Variants in TRIM71 observed in about 807,000 individuals in gnomAD.
TRIM71 encodes the protein E3 ubiquitin-protein ligase TRIM71.
TRIM71 carries 9 observed loss-of-function variants against 61.2 expected under a neutral mutation model. That is an observed-to-expected ratio of 0.15 (90% CI 0.09 to 0.26). TRIM71 has a LOEUF of 0.26. TRIM71 is among the 10% of genes least tolerant of loss of function. The pLI is 1.00. For missense variants in TRIM71, 998 were observed against 1,238.7 expected (o/e 0.81, Z 2.92); for synonymous variants, 645 against 553.2 (o/e 1.17, Z -2.33).
At chr3:32,831,269 G>GCCCTA (rs750730234) in intron 1 of TRIM71, among the ~76,000 whole-genome samples, 3 of 152,002 alleles carry the variant, frequency 2.0e-5, no homozygotes, top group Non-Finnish European at 4.4e-5. Flanking sequence ...TCCTAGTGTT[G>GCCCTA]CCCTATGTGA....
intron 1 of TRIM71, among the ~76,000 whole-genome samples, chr3:32,846,266 AG>A: frequency 6.6e-6 from 1 of 151,932 alleles, no homozygotes; most frequent in South Asian, 2.1e-4. Flanking sequence ...TAGTAGAGAC[AG>A]GGTTTCACCG....
chr3:32,886,258 AAAC>A (rs1451744320), intron 3 of TRIM71, among the ~76,000 whole-genome samples, 190 bp downstream of exon 3: 6 of 152,342 alleles, frequency 3.9e-5, no homozygotes, highest in Middle Eastern at 3.4e-3. Flanking sequence ...GTCTGCAGTA[AAAC>A]AACAAGAAGC....
chr3:32,824,786 A>G, intron 1 of TRIM71, among the ~76,000 whole-genome samples: 1 of 151,894 alleles, frequency 6.6e-6, no homozygotes, highest in Non-Finnish European at 1.5e-5. Flanking sequence ...GCTGGGCTAG[A>G]TAGTCCTTTT....
intron 2 of TRIM71, among the ~76,000 whole-genome samples, chr3:32,885,335 G>A (rs1696948544): frequency 6.6e-6 from 1 of 152,198 alleles, no homozygotes. Flanking sequence ...CTGGTACAGG[G>A]TGGCGTGTGT....
chr3:32,832,266 G>A (rs1467493748), intron 1 of TRIM71, among the ~76,000 whole-genome samples: 2 of 152,148 alleles, frequency 1.3e-5, no homozygotes, highest in African/African-American at 2.4e-5. Context: ...TGGGAATTTC[G>A]AGACCTGCCT....
At chr3:32,882,705 C>T (rs1371669852) in intron 2 of TRIM71, among the ~76,000 whole-genome samples, 8 of 152,066 alleles carry the variant, frequency 5.3e-5, no homozygotes, top group Admixed American at 5.2e-4. Flanking sequence ...CGCCACCATG[C>T]CTGGCTAATT....
At chr3:32,865,787 CGCCG>C (rs1303508973) in intron 1 of TRIM71, among the ~76,000 whole-genome samples, 2 of 7,466 alleles carry the variant, frequency 2.7e-4, no homozygotes, top group Admixed American at 2.1e-3. Flanking sequence ...ATTTGCCGCC[CGCCG>C]GCCCCCCCCC....
intron 1 of TRIM71, among the ~76,000 whole-genome samples, chr3:32,836,190 G>T (rs1696331805): frequency 6.6e-6 from 1 of 152,006 alleles, no homozygotes; most frequent in Non-Finnish European, 1.5e-5. Context: ...CCAGCACTTT[G>T]CTCCGGAGAG....
At chr3:32,839,179 T>C (rs1575344816) in intron 1 of TRIM71, among the ~76,000 whole-genome samples, 1 of 152,186 alleles carries the variant, frequency 6.6e-6, no homozygotes, top group Non-Finnish European at 1.5e-5. Context: ...CCAGCTATTA[T>C]ACATGCCATT....
At chr3:32,836,493 C>T (rs1032929000) in intron 1 of TRIM71, among the ~76,000 whole-genome samples, 1 of 152,128 alleles carries the variant, frequency 6.6e-6, no homozygotes, top group Non-Finnish European at 1.5e-5. Context: ...AGTTTGCCTC[C>T]ATTTAGTTTA....
At chr3:32,825,459 C>G (rs977021499) in intron 1 of TRIM71, among the ~76,000 whole-genome samples, 2 of 152,106 alleles carry the variant, frequency 1.3e-5, no homozygotes, top group Non-Finnish European at 2.9e-5. Context: ...TGCCATTTCT[C>G]CATCCAGTTC....
chr3:32,890,253 T>C lies in TRIM71; in HGVS notation c.1156-107T>C. On this transcript the variant is annotated intron_variant, in intron 3 of 3. Coordinates refer to ENST00000383763, the MANE Select transcript of TRIM71 (RefSeq NM_001039111.3). This position sits in a 1 kb window ranked among gnomAD's most constrained non-coding sequence, Gnocchi z 6.2. ...ATGTCTTTTGTAGACCATCCCACAA[T>C]ATGTGTTTGTCTGATGCTTCCTTGT... 7.1e-7 allele frequency: 1 copy of C among 1,411,550 alleles called. No individual in the cohort carries two copies. The allele number at this position is 1,411,550 out of a possible 1,614,324, so 87.4% of individuals were successfully genotyped here. A position where few individuals can be genotyped will look rare whatever the true frequency, so the allele number is the denominator to read the frequency against.
intron 1 of TRIM71, among the ~76,000 whole-genome samples, chr3:32,858,256 C>A (rs1696628366): frequency 6.6e-6 from 1 of 152,172 alleles, no homozygotes; most frequent in African/African-American, 2.4e-5. Context: ...TTTTCCAAAT[C>A]AGGCCATGGG....
chr3:32,853,127 T>G (rs951374507), intron 1 of TRIM71, among the ~76,000 whole-genome samples: 1 of 151,646 alleles, frequency 6.6e-6, no homozygotes, highest in Non-Finnish European at 1.5e-5. Flanking sequence ...TCTCTTTTTT[T>G]TTTTTTTTTG....
intron 2 of TRIM71, among the ~76,000 whole-genome samples, chr3:32,882,240 T>C (rs1696916267): frequency 6.6e-6 from 1 of 151,908 alleles, no homozygotes; most frequent in Non-Finnish European, 1.5e-5. Flanking sequence ...TGGCAAGTAG[T>C]ATGACATTAA....
At chr3:32,875,072 C>T (rs529718847) in intron 2 of TRIM71, among the ~76,000 whole-genome samples, 115 of 152,322 alleles carry the variant, frequency 7.5e-4, no homozygotes, top group Non-Finnish European at 1.3e-3. Context: ...CCACCTGCCT[C>T]GGCCTCCCAA....
intron 1 of TRIM71, among the ~76,000 whole-genome samples, chr3:32,844,448 G>C (rs569085662): frequency 1.3e-5 from 2 of 152,140 alleles, no homozygotes; most frequent in African/African-American, 4.8e-5. Context: ...TCAGGCTAGA[G>C]TGCAGTGGCG....
At chr3:32,879,057 A>G (rs1459749948) in intron 2 of TRIM71, among the ~76,000 whole-genome samples, 1 of 152,188 alleles carries the variant, frequency 6.6e-6, no homozygotes, top group Non-Finnish European at 1.5e-5. Flanking sequence ...GTGTCACCTT[A>G]CACATATATG....
intron 1 of TRIM71, among the ~76,000 whole-genome samples, chr3:32,848,959 G>A (rs1696507924): frequency 1.3e-5 from 2 of 152,124 alleles, no homozygotes; most frequent in Admixed American, 1.3e-4. Context: ...CTGAAGCTCT[G>A]GGGGTCTAGG....
Sources: allele counts gnomAD v4.1 joint callset (sites outside exome capture counted in the v4.1 genomes callset), GRCh38; gene constraint gnomAD v4.1.1; non-coding constraint Gnocchi (gnomAD v3.1); transcripts MANE v1.5; gene names NCBI Gene and HGNC (gene_info 2026-07-23, HGNC 2026-07-21).